MLIP: variants seen among roughly 807,000 people sequenced by gnomAD.
MLIP encodes the protein muscular LMNA-interacting protein.
In MLIP, 79 loss-of-function variants were observed where a neutral mutation model predicts 84.8. The ratio of observed to expected loss-of-function variants is 0.93; its 90% CI spans 0.78 to 1.12. The LOEUF (loss-of-function observed/expected upper bound fraction) is 1.12, where lower values mean the gene tolerates loss of function less well. Ranked by LOEUF, MLIP falls within the 50% of genes most tolerant of loss-of-function variation. The pLI is 0.00. For synonymous variants in MLIP, 504 were observed against 463.0 expected (o/e 1.09, Z -1.14); for missense variants, 1,257 against 1,160.6 (o/e 1.08, Z -1.21).
In MLIP at chr6:54,257,368, G is replaced by T; in HGVS notation, c.2976+7G>T. On this transcript the variant is annotated splice_region_variant and intron_variant, in intron 13 of 13. Coordinates refer to ENST00000502396, the MANE Select transcript of MLIP (RefSeq NM_001281747.2). ...AGCTCTTGATTCCAAAGAGGTAAAT[G>T]TAAGATAGGACTGGATATCTAATTA... The T allele has an allele frequency of 6.3e-7, 1 of 1,598,208 alleles. No homozygotes were observed. Among genetic ancestry groups the T allele is most frequent in the Non-Finnish European group, 8.6e-7 (1 of 1,166,132 alleles).
intron 11 of MLIP, chr6:54,217,563 C>A (rs1779936536): frequency 2.0e-6 from 2 of 984,308 alleles, no homozygotes; most frequent in South Asian, 9.4e-5. Flanking sequence ...TTACTTGCTT[C>A]ATAAGTTCCT....
At chr6:54,146,848 C>T (rs1772890568) in intron 4 of MLIP, among the ~76,000 whole-genome samples, 4 of 152,154 alleles carry the variant, frequency 2.6e-5, no homozygotes. Flanking sequence ...GAAGCAAGGG[C>T]ATTTGTAGAT....
At chr6:54,252,255 T>C (rs1250083718) in intron 12 of MLIP, among the ~76,000 whole-genome samples, 1 of 112,802 alleles carries the variant, frequency 8.9e-6, no homozygotes, top group Non-Finnish European at 1.6e-5. Context: ...TATAATATAT[T>C]ATAACATATA....
At chr6:54,253,238 A>T (rs948142019) in intron 12 of MLIP, among the ~76,000 whole-genome samples, 1 of 152,096 alleles carries the variant, frequency 6.6e-6, no homozygotes, top group Admixed American at 6.6e-5. Flanking sequence ...CTTTTGAGGG[A>T]TGGTCTTGAG....
rs1212915199 is a variant in MLIP, at chr6:54,137,292, C to T, written c.1223C>T (p.Ser408Phe). The change falls in exon 4 of 14, where the codon TCC becomes TTC. Residue 408 changes from serine (S) to phenylalanine (F), a missense_variant. Transcript: ENST00000502396. ...SGNLSKSGVK[S>F]PVPSRLALLT... ...AATCTTTCAAAGTCAGGGGTAAAAT[C>T]CCCGGTGCCTTCCCGGCTTGCCCTT... The T allele has an allele frequency of 1.3e-6, 2 of 1,536,050 alleles. No individual in the cohort carries two copies. Among genetic ancestry groups the T allele is most frequent in the Non-Finnish European group, 1.7e-6 (2 of 1,146,894 alleles).
At chr6:54,101,784 A>G (rs772743264) in intron 1 of MLIP, among the ~76,000 whole-genome samples, 23 of 152,184 alleles carry the variant, frequency 1.5e-4, no homozygotes, top group Non-Finnish European at 1.0e-4. Flanking sequence ...TGCTAGTGAC[A>G]ATATAATTGT....
intron 13 of MLIP, among the ~76,000 whole-genome samples, chr6:54,263,592 T>C (rs766095482): frequency 4.1e-4 from 62 of 152,208 alleles, no homozygotes; most frequent in African/African-American, 1.3e-3. Flanking sequence ...TATGCATATT[T>C]GATGTTGCAT....
At chr6:54,088,645 C>T (rs1767655957) in intron 1 of MLIP, among the ~76,000 whole-genome samples, 1 of 152,126 alleles carries the variant, frequency 6.6e-6, no homozygotes, top group Admixed American at 6.6e-5. Context: ...ATATAAAAAG[C>T]CACAATGCTT....
intron 8 of MLIP, among the ~76,000 whole-genome samples, chr6:54,166,497 T>G (rs1775208332): frequency 6.6e-6 from 1 of 151,442 alleles, no homozygotes; most frequent in Admixed American, 6.6e-5. Flanking sequence ...GAACTTGAGA[T>G]AGTTGCTCAC....
chr6:54,037,695 G>T (rs1341335249), intron 1 of MLIP, among the ~76,000 whole-genome samples: 1 of 151,888 alleles, frequency 6.6e-6, no homozygotes, highest in Non-Finnish European at 1.5e-5. Flanking sequence ...GCAGCCTAGG[G>T]TTACATTTTG....
At chr6:54,192,226 AAG>A (rs1399203203) in intron 10 of MLIP, among the ~76,000 whole-genome samples, 3 of 7,836 alleles carry the variant, frequency 3.8e-4, no homozygotes, top group Non-Finnish European at 6.9e-3. Context: ...GTTTTAAATT[AAG>A]TTTTAATCTC....
At chr6:54,060,852 G>A (rs1765925060) in intron 1 of MLIP, among the ~76,000 whole-genome samples, 1 of 151,960 alleles carries the variant, frequency 6.6e-6, no homozygotes, top group South Asian at 2.1e-4. Flanking sequence ...ATTTGATAAA[G>A]AAAGAAGATA....
chr6:54,080,836 T>A (rs1767095214), intron 1 of MLIP, among the ~76,000 whole-genome samples: 1 of 151,316 alleles, frequency 6.6e-6, no homozygotes, highest in African/African-American at 2.4e-5. Flanking sequence ...AGGAAACTTT[T>A]AAAGTATAGT....
chr6:54,146,474 G>A (rs1035307551), intron 4 of MLIP, among the ~76,000 whole-genome samples: 3 of 152,198 alleles, frequency 2.0e-5, no homozygotes, highest in African/African-American at 7.2e-5. Flanking sequence ...ATGCAGAAGA[G>A]AGCTCTTGGC....
At chr6:54,200,732 A>T (rs1299703380) in intron 10 of MLIP, among the ~76,000 whole-genome samples, 1 of 152,034 alleles carries the variant, frequency 6.6e-6, no homozygotes, top group Non-Finnish European at 1.5e-5. Flanking sequence ...CCCTTGAGAA[A>T]AATCAGAGTT....
intron 13 of MLIP, among the ~76,000 whole-genome samples, chr6:54,263,014 T>A (rs1265936866): frequency 6.6e-6 from 1 of 151,992 alleles, no homozygotes; most frequent in Non-Finnish European, 1.5e-5. Flanking sequence ...CGTTTGACAA[T>A]TTTGGGGTCT....
chr6:54,112,021 G>A (rs1411550761), intron 1 of MLIP, among the ~76,000 whole-genome samples: 1 of 152,150 alleles, frequency 6.6e-6, no homozygotes, highest in Non-Finnish European at 1.5e-5. Flanking sequence ...GAGATTTTGA[G>A]CATTTCAAAG....
chr6:54,060,476 G>T (rs570331232), intron 1 of MLIP, among the ~76,000 whole-genome samples: 24 of 152,274 alleles, frequency 1.6e-4, no homozygotes, highest in South Asian at 8.3e-4. Context: ...ATCACAGTTG[G>T]GTGAGAATGT....
chr6:54,125,909 C>T (rs1409790280), intron 3 of MLIP, among the ~76,000 whole-genome samples: 1 of 151,684 alleles, frequency 6.6e-6, no homozygotes, highest in Admixed American at 6.6e-5. Context: ...TTTCTGTAGG[C>T]TTCACTGAGT....
Sources: allele counts gnomAD v4.1 joint callset (sites outside exome capture counted in the v4.1 genomes callset), GRCh38; gene constraint gnomAD v4.1.1; transcripts MANE v1.5; gene names NCBI Gene and HGNC (gene_info 2026-07-23, HGNC 2026-07-21).